SYTL2: variants seen among roughly 807,000 people sequenced by gnomAD.
SYTL2 encodes the protein synaptotagmin like 2.
In SYTL2, 165 loss-of-function variants were observed where a neutral mutation model predicts 198.7. The ratio of observed to expected loss-of-function variants is 0.83; its 90% CI spans 0.73 to 0.94. The LOEUF (loss-of-function observed/expected upper bound fraction) is 0.94, where lower values mean the gene tolerates loss of function less well. Among genes scored for constraint, SYTL2 ranks in the 40% least tolerant of loss-of-function variants. The pLI, the probability that SYTL2 is intolerant of heterozygous loss-of-function variation, is 0.00. For synonymous variants in SYTL2, 966 were observed against 917.7 expected (o/e 1.05, Z -0.95); for missense variants, 2,835 against 2,582.8 (o/e 1.10, Z -2.12).
chr11:85,794,540 A>C lies in SYTL2; in HGVS notation c.-390+16414T>G, dbSNP rs190374692. Among the ~76,000 whole-genome samples the C allele has an allele frequency of 5.9e-5, 9 of 152,298 alleles. No individual in the cohort carries two copies. In the East Asian group the frequency reaches 1.7e-3, roughly 29 times the overall value. On this transcript the variant is annotated intron_variant, in intron 1 of 19. Transcript: ENST00000359152. ...AAACCTCCCACTTTCTCAAGGTCAC[A>C]AAAGAGACTTTCATATCACCAAACT...
chr11:85,762,856 CT>C (rs2092135939), intron 1 of SYTL2, among the ~76,000 whole-genome samples: 1 of 152,088 alleles, frequency 6.6e-6, no homozygotes. Flanking sequence ...ATGTTTGTCT[CT>C]TGCCAGTTTA....
chr11:85,696,311 T>C lies in SYTL2; in HGVS notation c.6446A>G (p.Asn2149Ser), dbSNP rs1220150296. Residue 2149 changes from asparagine to serine, a missense_variant, in exon 19 of 20, where the codon AAC becomes AGC. By Grantham distance (46) the Asn-to-Ser change is conservative. Around this residue, in one of 3 missense-constraint regions of SYTL2, gnomAD observed 185 missense variants for 182.1 expected, o/e 1.02. Transcript: ENST00000359152. Reference protein sequence around the residue: ...AVGKTTNPIFNHTMVYDGFRP... With the variant: ...AVGKTTNPIFSHTMVYDGFRP... ...GAACCCATCATACACCATAGTGTGG[T>C]TGAAGATAGGGTTGGTGGTTTTCCC... is the stretch of plus-strand genomic sequence containing the variant. The C allele has an allele frequency of 2.5e-6, 4 of 1,614,028 alleles. No individual in the cohort carries two copies. Among genetic ancestry groups the C allele is most frequent in the Admixed American group, 1.7e-5 (1 of 60,010 alleles).
In SYTL2 at chr11:85,727,147, T is replaced by C; in HGVS notation, c.2211A>G (p.Val737=). 2 of 1,536,446 alleles carry C rather than the reference T, an allele frequency of 1.3e-6. No individual in the cohort carries two copies. The highest frequency in any genetic ancestry group is 1.7e-6 in the Non-Finnish European group (2 of 1,146,918). The change falls in exon 8 of 20, where the codon GTA becomes GTG. Residue 737 remains valine, a synonymous_variant. Coordinates refer to ENST00000359152, the MANE Select transcript of SYTL2 (RefSeq NM_206927.4). ...DNMNAERKSK[V]GNTYILKASL... is the part of the protein sequence containing the mutation. ...AGGCTTTCAGGATATAGGTATTTCC[T>C]ACTTTGCTCTTTCTCTCTGCATTCA...
chr11:85,725,527 A>C lies in SYTL2; in HGVS notation c.3831T>G (p.Phe1277Leu), dbSNP rs767585130. 130 of 1,614,020 alleles carry C rather than the reference A, an allele frequency of 8.1e-5. No homozygotes were observed. Among genetic ancestry groups the C allele is most frequent in the Non-Finnish European group, 1.0e-4 (121 of 1,179,966 alleles). ...CTTTCTTGAGGAGAGCTGTATTTCCAAAAGTTTCATCTCTCACTGGAAAAG... is the reference window on the plus strand; with the variant it reads ...CTTTCTTGAGGAGAGCTGTATTTCCCAAAGTTTCATCTCTCACTGGAAAAG... ...LAPFPVRDET[F>L]GNTALLKKAE... The change falls in exon 8 of 20, where the codon TTT (phenylalanine) becomes TTG (leucine). Residue 1277 changes from phenylalanine (F) to leucine (L), a missense_variant. Phe to Leu is a conservative substitution (Grantham distance 22). Around this residue, in one of 3 missense-constraint regions of SYTL2, gnomAD observed 2,645 missense variants for 2,381.7 expected, o/e 1.11. Coordinates refer to ENST00000359152, the MANE Select transcript of SYTL2 (RefSeq NM_206927.4).
intron 19 of SYTL2, among the ~76,000 whole-genome samples, chr11:85,695,848 A>T (rs290175): frequency 0.75 from 113,897 of 152,146 alleles, 43,203 homozygotes; most frequent in African/African-American, 0.87. Flanking sequence ...TGGTGCTCCA[A>T]AAATGTTATT....
intron 7 of SYTL2, among the ~76,000 whole-genome samples, chr11:85,730,587 C>T (rs960695173): frequency 6.6e-6 from 1 of 152,126 alleles, no homozygotes; most frequent in Non-Finnish European, 1.5e-5. Context: ...ATTGATGGAA[C>T]GTATCTCAAA....
intron 2 of SYTL2, among the ~76,000 whole-genome samples, chr11:85,755,815 ACTAT>A (rs1214784905): frequency 6.6e-6 from 1 of 152,170 alleles, no homozygotes; most frequent in Non-Finnish European, 1.5e-5. Flanking sequence ...TCGTAAGCTG[ACTAT>A]CTAGAGGGGC....
At chr11:85,846,477 G>A in the SYTL2 span, among the ~76,000 whole-genome samples, 3 of 152,112 alleles carry the variant, frequency 2.0e-5, no homozygotes, top group African/African-American at 7.2e-5. Context: ...TACCCAGGCT[G>A]GAGTACAATG....
chr11:85,739,852 T>C (rs75142004), intron 4 of SYTL2, among the ~76,000 whole-genome samples: 2,110 of 152,304 alleles, frequency 0.014, 28 homozygotes, highest in Non-Finnish European at 0.022. Flanking sequence ...ATACTGCCTC[T>C]GGTTTCTTGC....
At chr11:85,731,044 T>C (rs562990503) in intron 7 of SYTL2, among the ~76,000 whole-genome samples, 1 of 152,262 alleles carries the variant, frequency 6.6e-6, no homozygotes, top group Non-Finnish European at 1.5e-5. Context: ...GTGAAGGATC[T>C]CTTCAAGGAG....
chr11:85,744,776 A>T (rs566068906), intron 4 of SYTL2, among the ~76,000 whole-genome samples: 1 of 152,352 alleles, frequency 6.6e-6, no homozygotes, highest in East Asian at 1.9e-4. Context: ...TTGAGGAGCT[A>T]CAGGTAAAAG....
chr11:85,696,129 A>T, intron 19 of SYTL2, 54 bp downstream of exon 19: 1 of 1,450,300 alleles, frequency 6.9e-7, no homozygotes, highest in Non-Finnish European at 9.7e-7. Context: ...ACAAACCTCT[A>T]GTATCTCTAG....
At chr11:85,720,802 A>C in intron 9 of SYTL2, 56 bp downstream of exon 9, 6 of 1,218,998 alleles carry the variant, frequency 4.9e-6, no homozygotes, top group Non-Finnish European at 7.3e-6. Context: ...AGGAGAGCAC[A>C]TAGGCATTTT....
chr11:85,758,236 C>A, intron 1 of SYTL2, 122 bp from the exon 2 acceptor site: 1 of 152,884 alleles, frequency 6.5e-6, no homozygotes, highest in Admixed American at 6.5e-5. Context: ...GAAACCAGTT[C>A]AGCCAGCTTC....
At chr11:85,845,995 A>C in the SYTL2 span, among the ~76,000 whole-genome samples, 4 of 152,216 alleles carry the variant, frequency 2.6e-5, no homozygotes, top group Non-Finnish European at 1.5e-5. Context: ...GTAGGTTAGT[A>C]ATTGGTGATC....
At chr11:85,762,695 C>T (rs2092131790) in intron 1 of SYTL2, among the ~76,000 whole-genome samples, 1 of 152,194 alleles carries the variant, frequency 6.6e-6, no homozygotes, top group African/African-American at 2.4e-5. Context: ...CTGGTTAATA[C>T]TTGTTAGGTC....
intron 1 of SYTL2, among the ~76,000 whole-genome samples, chr11:85,785,791 T>A (rs1376487002): frequency 6.6e-6 from 1 of 152,146 alleles, no homozygotes; most frequent in Non-Finnish European, 1.5e-5. Flanking sequence ...TATTTCTCAG[T>A]AGAATGTAAG....
chr11:85,793,328 G>A (rs1053215417), intron 1 of SYTL2, among the ~76,000 whole-genome samples: 1 of 152,118 alleles, frequency 6.6e-6, no homozygotes, highest in African/African-American at 2.4e-5. Context: ...ATTCTAACTG[G>A]TGTGAGATGG....
intron 6 of SYTL2, 106 bp from the exon 7 acceptor site, chr11:85,734,848 A>T: frequency 2.3e-6 from 2 of 855,128 alleles, no homozygotes; most frequent in South Asian, 3.8e-5. Context: ...TTAAAATATT[A>T]AAGACAGTAA....
Sources: allele counts gnomAD v4.1 joint callset (sites outside exome capture counted in the v4.1 genomes callset), GRCh38; gene constraint gnomAD v4.1.1; regional missense constraint gnomAD v4.1.1; transcripts MANE v1.5; gene names NCBI Gene and HGNC (gene_info 2026-07-23, HGNC 2026-07-21).